TECRL: variants seen among roughly 807,000 people sequenced by gnomAD.
The protein encoded by TECRL is trans-2,3-enoyl-CoA reductase-like.
In TECRL, 63 loss-of-function variants were observed where a neutral mutation model predicts 52.8. The ratio of observed to expected loss-of-function variants is 1.19; its 90% CI spans 0.97 to 1.47. The LOEUF (loss-of-function observed/expected upper bound fraction) is 1.47, where lower values mean the gene tolerates loss of function less well. TECRL is among the 40% of genes most tolerant of loss of function. The probability of loss-of-function intolerance (pLI) is 0.00; values close to 1 mark genes in which losing one functional copy is unlikely to be tolerated. For synonymous variants in TECRL, 164 were observed against 141.9 expected (o/e 1.16, Z -1.10); for missense variants, 482 against 429.6 (o/e 1.12, Z -1.08).
At chr4:64,398,843 C>T (rs1330509359) in intron 1 of TECRL, among the ~76,000 whole-genome samples, 7 of 152,096 alleles carry the variant, frequency 4.6e-5, no homozygotes, top group Non-Finnish European at 1.0e-4. Context: ...GACCAAAATT[C>T]TGATAATGAT....
At chr4:64,397,647 C>T (rs1271532672) in intron 1 of TECRL, 1 of 151,892 alleles carries the variant, frequency 6.6e-6, no homozygotes, top group South Asian at 2.1e-4. Context: ...GATGTCTCAG[C>T]CTCTTGAACT....
intron 2 of TECRL, among the ~76,000 whole-genome samples, chr4:64,344,228 T>C (rs1719789126): frequency 6.6e-6 from 1 of 152,008 alleles, no homozygotes; most frequent in African/African-American, 2.4e-5. Context: ...TATAAGATGA[T>C]ACAAATATAA....
chr4:64,370,516 A>G (rs891539526), intron 2 of TECRL, among the ~76,000 whole-genome samples: 10 of 27,570 alleles, frequency 3.6e-4, no homozygotes, highest in Non-Finnish European at 1.5e-3. Context: ...TTTCATTATT[A>G]TCTCCAGTTA....
intron 2 of TECRL, among the ~76,000 whole-genome samples, chr4:64,362,201 T>G (rs1721244852): frequency 6.6e-6 from 1 of 152,030 alleles, no homozygotes; most frequent in East Asian, 1.9e-4. Context: ...TGTGAGAATA[T>G]GTAAAGAGAC....
At chr4:64,338,545 C>A (rs935653782) in intron 2 of TECRL, among the ~76,000 whole-genome samples, 1 of 152,132 alleles carries the variant, frequency 6.6e-6, no homozygotes, top group Admixed American at 6.5e-5. Context: ...TGACAAAGGG[C>A]TTATATCCAG....
chr4:64,313,716 T>C (rs547660441), intron 5 of TECRL, among the ~76,000 whole-genome samples: 3 of 150,422 alleles, frequency 2.0e-5, no homozygotes, highest in East Asian at 2.0e-4. Flanking sequence ...CTCCTGACCT[T>C]GTGATCCACC....
intron 2 of TECRL, among the ~76,000 whole-genome samples, chr4:64,372,094 A>G (rs949047953): frequency 6.6e-6 from 1 of 151,816 alleles, no homozygotes; most frequent in Non-Finnish European, 1.5e-5. Flanking sequence ...CAATTCCTCT[A>G]TGGAATACTT....
chr4:64,297,974 G>C (rs531008190), intron 8 of TECRL, among the ~76,000 whole-genome samples: 2 of 151,118 alleles, frequency 1.3e-5, no homozygotes, highest in South Asian at 4.2e-4. Context: ...AGTCACAGTG[G>C]TCATTCTATC....
intron 1 of TECRL, among the ~76,000 whole-genome samples, chr4:64,403,602 C>T (rs767061890): frequency 6.6e-6 from 1 of 151,796 alleles, no homozygotes; most frequent in Admixed American, 6.6e-5. Context: ...TCCAGGAAAG[C>T]CTTCCTGTTC....
At chr4:64,409,085 CA>C in intron 1 of TECRL, 32 bp downstream of exon 1, 1 of 1,518,608 alleles carries the variant, frequency 6.6e-7, no homozygotes, top group South Asian at 1.2e-5. Flanking sequence ...AACACTTAAA[CA>C]AACAAACAAA....
intron 2 of TECRL, among the ~76,000 whole-genome samples, chr4:64,368,344 G>A (rs1039458423): frequency 6.6e-6 from 1 of 152,040 alleles, no homozygotes; most frequent in Non-Finnish European, 1.5e-5. Context: ...CGCCCAGGCT[G>A]GAGTGCAATG....
chr4:64,390,821 T>C (rs890910584), intron 1 of TECRL, among the ~76,000 whole-genome samples: 1 of 151,886 alleles, frequency 6.6e-6, no homozygotes. Flanking sequence ...GTGATGGTCA[T>C]ATACTTATTT....
At chr4:64,309,186 T>C (rs1424330273) in intron 6 of TECRL, among the ~76,000 whole-genome samples, 1 of 152,182 alleles carries the variant, frequency 6.6e-6, no homozygotes. Flanking sequence ...GGCTGTTCTG[T>C]TGCGATATTA....
chr4:64,312,490 A>G (rs1236818021), intron 5 of TECRL, among the ~76,000 whole-genome samples: 2 of 152,168 alleles, frequency 1.3e-5, no homozygotes, highest in East Asian at 3.8e-4. Context: ...AGGCTGGTGC[A>G]GTGGTGCATG....
chr4:64,315,525 T>C (rs1193073959), intron 4 of TECRL, among the ~76,000 whole-genome samples: 2 of 152,102 alleles, frequency 1.3e-5, no homozygotes, highest in Admixed American at 6.6e-5. Flanking sequence ...GTAATTTACT[T>C]TGGAGTTTTC....
chr4:64,382,401 G>T (rs902967563), intron 1 of TECRL, among the ~76,000 whole-genome samples: 3 of 148,894 alleles, frequency 2.0e-5, no homozygotes, highest in Non-Finnish European at 4.5e-5. Flanking sequence ...TTAGGTGTTT[G>T]TTGTTAGTGT....
chr4:64,305,096 A>G (rs1300409978), intron 7 of TECRL, 70 bp downstream of exon 7: 8 of 1,059,184 alleles, frequency 7.6e-6, no homozygotes, highest in Non-Finnish European at 1.1e-5. Context: ...TCCTTTATGT[A>G]TGTCATTTAG....
chr4:64,287,412 C>G (rs868196606), intron 9 of TECRL, among the ~76,000 whole-genome samples: 1 of 152,208 alleles, frequency 6.6e-6, no homozygotes. Context: ...ATATGTTTCA[C>G]TAGCCTGCCA....
At chr4:64,316,946 T>G (rs1356172749) in intron 4 of TECRL, among the ~76,000 whole-genome samples, 2 of 152,176 alleles carry the variant, frequency 1.3e-5, no homozygotes, top group East Asian at 3.9e-4. Flanking sequence ...CTTTGAAACC[T>G]CAGTGGAATC....
Sources: allele counts gnomAD v4.1 joint callset (sites outside exome capture counted in the v4.1 genomes callset), GRCh38; gene constraint gnomAD v4.1.1; transcripts MANE v1.5; gene names NCBI Gene and HGNC (gene_info 2026-07-23, HGNC 2026-07-21).